Variants in IGSF1 observed in about 807,000 individuals in gnomAD.
The protein encoded by IGSF1 is immunoglobulin superfamily member 1.
Under a neutral mutation model 95.3 loss-of-function variants are expected in IGSF1, and 40 were observed. The ratio of observed to expected loss-of-function variants is 0.42; its 90% confidence interval spans 0.33 to 0.55. The LOEUF is 0.55. Ranked by LOEUF, IGSF1 falls within the 20% of genes least tolerant of loss-of-function variation. IGSF1 has a pLI of 0.10. For synonymous variants in IGSF1, 372 were observed against 382.9 expected, an observed-to-expected ratio of 0.97 and a Z score of 0.33; for missense variants, 906 against 1,025.4, an observed-to-expected ratio of 0.88 and a Z score of 1.59.
At chrX:131,283,990 G>T (rs948200532) in intron 5 of IGSF1, among the ~76,000 whole-genome samples, 1 of 111,962 alleles carries the variant, frequency 8.9e-6, no homozygotes, top group Non-Finnish European at 1.9e-5. Context: ...CACAGTCTCC[G>T]CTAGCAAAAA....
chrX:131,279,357 A>G lies in IGSF1; in HGVS notation c.1647-16T>C. ...CCAGGCTTCTCTAGTGAGACCAGAAAAGAGATGAGAGGAGTTGCTGGGATG... is the reference window on the plus strand; with the variant it reads ...CCAGGCTTCTCTAGTGAGACCAGAAGAGAGATGAGAGGAGTTGCTGGGATG... On this transcript the variant is annotated splice_polypyrimidine_tract_variant and intron_variant, in intron 9 of 19. Transcript: ENST00000361420. 8.4e-7 allele frequency: 1 copy of G among 1,189,575 alleles called. No individual in the cohort carries two copies. The highest frequency in any genetic ancestry group is 2.2e-5 in the Admixed American group (1 of 46,058).
Position 131,283,269 on chromosome X carries a change from A to C in IGSF1, c.668-5T>G, listed in dbSNP as rs775015119. On this transcript the variant is annotated splice_region_variant and splice_polypyrimidine_tract_variant and intron_variant, in intron 5 of 19. Transcript: ENST00000361420. ...AAGTTGGTTTGGGGTAGAGTCCTAC[A>C]AACGGAAGAGACCCTAAAGTTAGAG... The C allele has an allele frequency of 8.4e-7, 1 of 1,187,017 alleles. No individual in the cohort carries two copies. The highest frequency in any genetic ancestry group is 1.1e-6 in the Non-Finnish European group (1 of 878,966).
Position 131,282,580 on chromosome X carries a change from G to A in IGSF1, c.1110C>T (p.Ser370=). Residue 370 remains serine (S), a synonymous_variant, in exon 7 of 20, where the codon AGC becomes AGT. Transcript: ENST00000361420. ...DKPLQFLDAT[S]IDDNTSFFLN... ...GGAAGAATGATGTGTTGTCATCGAT[G>A]CTGGTGGCATCCAAAAATTGAAGTG... is the stretch of plus-strand genomic sequence containing the variant. The A allele has an allele frequency of 8.3e-7, 1 of 1,210,718 alleles. No homozygotes were observed. Among genetic ancestry groups the A allele is most frequent in the Non-Finnish European group, 1.1e-6 (1 of 894,818 alleles).
intron 5 of IGSF1, chrX:131,284,608 A>G (rs2080606840): frequency 1.3e-6 from 1 of 751,813 alleles, no homozygotes; most frequent in Non-Finnish European, 1.6e-6. Flanking sequence ...TTTTGGGGAA[A>G]TTTCTTCTAT....
chrX:131,274,469 G>T, intron 18 of IGSF1, 130 bp downstream of exon 18: 1 of 736,894 alleles, frequency 1.4e-6, no homozygotes, highest in Non-Finnish European at 2.0e-6. Flanking sequence ...ATCCTTAGGA[G>T]AAAGATGACA....
chrX:131,283,355 G>A lies in IGSF1; in HGVS notation c.668-91C>T, dbSNP rs999601643. The A allele has an allele frequency of 1.9e-5, 15 of 793,138 alleles. No individual in the cohort carries two copies. The African/African-American group carries it at 2.7e-4, about 14-fold the overall frequency. 65.4% of individuals were successfully genotyped at this position (793,138 alleles called of 1,213,427 possible). On this transcript the variant is annotated intron_variant, in intron 5 of 19. Transcript: ENST00000361420. ...CTTTCTTAATTTCTTTGAACAAGAA[G>A]TGGTAGCTGAAGTTTACCTTCTCTT...
In IGSF1 at chrX:131,273,805, A is replaced by G; in HGVS notation, c.4002T>C (p.Val1334=). The G allele has an allele frequency of 8.3e-7, 1 of 1,208,320 alleles. No homozygotes were observed. Residue 1334 remains valine, a synonymous_variant, in exon 20 of 20, where the codon GTT becomes GTC. Coordinates refer to ENST00000361420, the MANE Select transcript of IGSF1 (RefSeq NM_001555.5). ...TSQRISVELP[V]PI is the part of the protein sequence containing the mutation. ...GTAAAGGAGGAGATTATTATATTGG[A>G]ACGGGCAGTTCCACAGAGATTCTCT...
Position 131,286,653 on chromosome X carries a change from C to T in IGSF1, c.22G>A (p.Glu8Lys), listed in dbSNP as rs1439882679. ...AATGTCTTCAGCATGGTGGCCCCCT[C>T]CCCTGGTCTGTCCAGGGTCATGGGG... MTLDRPG[E>K]GATMLKTFTV... Residue 8 changes from glutamate to lysine, a missense_variant, in exon 2 of 20, where the codon GAG becomes AAG. Glu to Lys is a moderately conservative substitution (Grantham distance 56, BLOSUM62 1). Around this residue, in one of 5 missense-constraint regions of IGSF1, gnomAD observed 442 missense variants for 448.1 expected, o/e 0.99. Coordinates refer to ENST00000361420, the MANE Select transcript of IGSF1 (RefSeq NM_001555.5). 4 of 1,198,684 alleles carry T rather than the reference C, an allele frequency of 3.3e-6. No homozygotes were observed. Among genetic ancestry groups the T allele is most frequent in the Non-Finnish European group, 4.5e-6 (4 of 891,236 alleles).
chrX:131,282,898 GGATTA>G (rs2080582302), intron 6 of IGSF1, 77 bp downstream of exon 6: 5 of 985,060 alleles, frequency 5.1e-6, no homozygotes, highest in Middle Eastern at 2.7e-4. Context: ...CCTGGCCACA[GGATTA>G]GGTTCTCCAG....
rs1006749604 is a variant in IGSF1, at chrX:131,285,840, A to G, written c.306T>C (p.Gly102=). 3 of 1,210,700 alleles carry G rather than the reference A, an allele frequency of 2.5e-6. No individual in the cohort carries two copies. The Admixed American group carries it at 6.5e-5, about 26-fold the overall frequency. Residue 102 remains glycine (G), a synonymous_variant, in exon 4 of 20, where the codon GGT becomes GGC. Transcript: ENST00000361420. ...LIGALTESNA[G]LYRCCYWKET... ...CCTTCCAGTAGCAGCACCGGTAAAG[A>G]CCTGCATTGGACTCAGTAAGGGCAC...
At chrX:131,280,821 G>C (rs1055999331) in intron 9 of IGSF1, 1 of 132,351 alleles carries the variant, frequency 7.6e-6, no homozygotes, top group African/African-American at 3.2e-5. Context: ...AGGGTGAAAA[G>C]TTGGGATAGG....
At position 131,282,659 on chromosome X, in the gene IGSF1, C is replaced by T. The variant is rs755467440; in HGVS notation, c.1031G>A (p.Arg344Gln). ...QMGQNVSLRC[R>Q]GPVDGVGLAL... ...AAGACCCACTCCATCCACTGGTCCT[C>T]GACACCGTAGGCTCACATTCTGACC... The change falls in exon 7 of 20, where the codon CGA (arginine) becomes CAA (glutamine). Residue 344 changes from arginine to glutamine, a missense_variant. Arg to Gln is a conservative substitution (Grantham distance 43). This residue lies in a region of IGSF1 where 442 missense variants were observed against 448.1 expected (regional missense o/e 0.99). Transcript: ENST00000361420. 13 of 1,208,572 alleles carry T rather than the reference C, an allele frequency of 1.1e-5. No homozygotes were observed. Among genetic ancestry groups the T allele is most frequent in the East Asian group, 5.9e-5 (2 of 33,777 alleles).
Position 131,277,993 on chromosome X carries a change from G to T in IGSF1, c.2183C>A (p.Ala728Asp). Residue 728 changes from alanine (A) to aspartate (D), a missense_variant, in exon 13 of 20, where the codon GCT (alanine) becomes GAT (aspartate). Ala to Asp is a moderately radical substitution (Grantham distance 126). Around this residue, in one of 5 missense-constraint regions of IGSF1, gnomAD observed 411 missense variants for 494.9 expected, o/e 0.83. Transcript: ENST00000361420. ...GEQEPVQQLG[A>D]VGREAFFTIQ... is the part of the protein sequence containing the mutation. ...TGTAAAGAAGGCTTCTCTTCCAACA[G>T]CACCAAGTTGCTGGACAGGTTCTTG... The T allele has an allele frequency of 8.3e-7, 1 of 1,211,171 alleles. No homozygotes were observed. Among genetic ancestry groups the T allele is most frequent in the Non-Finnish European group, 1.1e-6 (1 of 895,113 alleles).
At chrX:131,288,647 T>G (rs1325944717) in intron 1 of IGSF1, among the ~76,000 whole-genome samples, 2 of 110,981 alleles carry the variant, frequency 1.8e-5, no homozygotes, top group African/African-American at 6.6e-5. Context: ...CTAAGGAAAT[T>G]GTACCATTTA....
chrX:131,276,165 T>G lies in IGSF1; in HGVS notation c.2692A>C (p.Thr898Pro). 8.3e-7 allele frequency: 1 copy of G among 1,209,663 alleles called. No individual in the cohort carries two copies. Among genetic ancestry groups the G allele is most frequent in the Non-Finnish European group, 1.1e-6 (1 of 894,478 alleles). ...AGGGCGAACCTCATGCCCTGGAAAG[T>G]CCCTTGGCAGCGCAGGATCACACTC... ...GKSVILRCQG[T>P]FQGMRFALLQ... Residue 898 changes from threonine to proline, a missense_variant, in exon 15 of 20, where the codon ACT becomes CCT. By Grantham distance (38) the Thr-to-Pro change is conservative (BLOSUM62 -1). Transcript: ENST00000361420.
At position 131,275,000 on chromosome X, in the gene IGSF1, A is replaced by G. The variant is rs986271107; in HGVS notation, c.3471T>C (p.Thr1157=). 8.3e-7 allele frequency: 1 copy of G among 1,209,487 alleles called. No individual in the cohort carries two copies. Among genetic ancestry groups the G allele is most frequent in the Non-Finnish European group, 1.1e-6 (1 of 894,589 alleles). The change falls in exon 17 of 20, where the codon ACT becomes ACC. Residue 1157 remains threonine (T), a splice_region_variant and synonymous_variant. Transcript: ENST00000361420. Reference sequence around the variant, plus strand: ...GTACTGAAGTCTCCAGGACCTTACCAGTCACCCAGATCTCCAGGGAGTCAC... The same window carrying G: ...GTACTGAAGTCTCCAGGACCTTACCGGTCACCCAGATCTCCAGGGAGTCAC... ...NHSDSLEIWV[T]DKPPKPSLSA... is the part of the protein sequence containing the mutation.
Position 131,275,035 on chromosome X carries a change from A to C in IGSF1, c.3436T>G (p.Ser1146Ala). The C allele has an allele frequency of 8.3e-7, 1 of 1,211,334 alleles. No homozygotes were observed. Among genetic ancestry groups the C allele is most frequent in the African/African-American group, 1.7e-5 (1 of 57,806 alleles). ...YYLDSTPFAASNHSDSLEIWV... is the reference protein window; with the variant it reads ...YYLDSTPFAAANHSDSLEIWV... ...ATCTCCAGGGAGTCACTGTGATTTGAAGCTGCAAAGGGAGTAGAGTCCAAA... is the reference window on the plus strand; with the variant it reads ...ATCTCCAGGGAGTCACTGTGATTTGCAGCTGCAAAGGGAGTAGAGTCCAAA... Residue 1146 changes from serine (S) to alanine (A), a missense_variant, in exon 17 of 20, where the codon TCA becomes GCA. By Grantham distance (99) the Ser-to-Ala change is moderately conservative (BLOSUM62 1). Around this residue, in one of 5 missense-constraint regions of IGSF1, gnomAD observed 411 missense variants for 494.9 expected, o/e 0.83. Coordinates refer to ENST00000361420, the MANE Select transcript of IGSF1 (RefSeq NM_001555.5).
chrX:131,282,705 G>A lies in IGSF1; in HGVS notation c.985C>T (p.Pro329Ser). The change falls in exon 7 of 20, where the codon CCC becomes TCC. Residue 329 changes from proline to serine, a missense_variant. This residue lies in a region of IGSF1 where 442 missense variants were observed against 448.1 expected (regional missense o/e 0.99). Coordinates refer to ENST00000361420, the MANE Select transcript of IGSF1 (RefSeq NM_001555.5). ...TGACCCATTTGGACCACAGCACTGGGCCGAGCAAGTAGCCAGGTCTTGGGG... is the reference window on the plus strand; with the variant it reads ...TGACCCATTTGGACCACAGCACTGGACCGAGCAAGTAGCCAGGTCTTGGGG... ...TFPKTWLLAR[P>S]SAVVQMGQNV... 8.3e-7 allele frequency: 1 copy of A among 1,208,681 alleles called. No individual in the cohort carries two copies. Among genetic ancestry groups the A allele is most frequent in the Non-Finnish European group, 1.1e-6 (1 of 893,404 alleles).
In IGSF1 at chrX:131,275,104, C is replaced by T. The variant is rs753954641; in HGVS notation, c.3367G>A (p.Ala1123Thr). The T allele has an allele frequency of 8.3e-7, 1 of 1,209,513 alleles. No individual in the cohort carries two copies. Among genetic ancestry groups the T allele is most frequent in the Non-Finnish European group, 1.1e-6 (1 of 894,724 alleles). Reference protein sequence around the residue: ...SGYRADFWMPAVRGEDSGIYS... With the variant: ...SGYRADFWMPTVRGEDSGIYS... ...ATCCCAGAGTCTTCACCTCTCACTG[C>T]TGGCATCCAGAAGTCAGCCCTGTAC... Residue 1123 changes from alanine to threonine, a missense_variant, in exon 17 of 20, where the codon GCA becomes ACA. Coordinates refer to ENST00000361420, the MANE Select transcript of IGSF1 (RefSeq NM_001555.5).
Sources: gnomAD v4.1 joint callset for allele counts (sites outside exome capture counted in the v4.1 genomes callset) on GRCh38, gnomAD v4.1.1 for gene constraint, gnomAD v4.1.1 regional missense constraint, MANE v1.5 for transcripts, NCBI Gene and HGNC (gene_info 2026-07-23, HGNC 2026-07-21) for gene names.